Variants in NCAPH observed in about 807,000 individuals in gnomAD.
NCAPH encodes the protein condensin complex subunit 2.
NCAPH carries 38 observed loss-of-function variants against 85.5 expected under a neutral mutation model. The observed-to-expected ratio is 0.44, with a 90% confidence interval of 0.34 to 0.58. The LOEUF is 0.58. Among genes scored for constraint, NCAPH ranks in the 20% least tolerant of loss-of-function variants. NCAPH has a pLI of 0.01. For synonymous variants in NCAPH, 301 were observed against 335.1 expected, an observed-to-expected ratio of 0.90 and a Z score of 1.11; for missense variants, 789 against 916.6, an observed-to-expected ratio of 0.86 and a Z score of 1.80.
At chr2:96,345,987 GT>G (rs1350937387) in intron 6 of NCAPH, among the ~76,000 whole-genome samples, 1 of 152,142 alleles carries the variant, frequency 6.6e-6, no homozygotes, top group African/African-American at 2.4e-5. Context: ...AAGGCCAAGA[GT>G]TTTGATTTTG....
chr2:96,376,514 G>A lies in NCAPH; in HGVS notation c.*3163G>A, dbSNP rs141382384. ...ACCCTACAGTGTATGATCCCCCTGG[G>A]GAGCAAAAGGCTGCAGGTAACACTT... On this transcript the variant is annotated 3_prime_UTR_variant, in exon 18 of 18. Transcript: ENST00000240423. Among the ~76,000 whole-genome samples the A allele has an allele frequency of 3.0e-3, 457 of 152,336 alleles. 2 individuals are homozygous for A. The highest frequency in any genetic ancestry group is 4.8e-3 in the Non-Finnish European group (329 of 68,034).
Position 96,374,667 on chromosome 2 carries a change from T to A in NCAPH, c.*1316T>A, listed in dbSNP as rs1049320848. On this transcript the variant is annotated 3_prime_UTR_variant, in exon 18 of 18. Transcript: ENST00000240423. ...ATTGTGTCCAAAACATTACCTGCTC[T>A]GTTATATTGAGAAGGTTAGAGACTT... Among the ~76,000 whole-genome samples, 1 of 152,204 alleles carries A rather than the reference T, an allele frequency of 6.6e-6. No homozygotes were observed. Among genetic ancestry groups the A allele is most frequent in the Non-Finnish European group, 1.5e-5 (1 of 68,032 alleles).
chr2:96,358,308 C>T (rs576402267), intron 9 of NCAPH, among the ~76,000 whole-genome samples: 19 of 152,256 alleles, frequency 1.2e-4, no homozygotes, highest in African/African-American at 4.1e-4. Flanking sequence ...ATAGCGGTAT[C>T]TTTTGGAGCC....
rs770891599 is a variant in NCAPH, at chr2:96,343,213, C to T, written c.504C>T (p.Arg168=). Residue 168 remains arginine (R), a synonymous_variant, in exon 5 of 18, where the codon CGC becomes CGT. Transcript: ENST00000240423. ...LDASTKIYAV[R]VDAVHADVYR... ...CCAGCACCAAGATCTATGCTGTGCG[C>T]GTGGATGCCGTCCATGCCGATGTAT... 18 of 1,613,994 alleles carry T rather than the reference C, an allele frequency of 1.1e-5. No homozygotes were observed. The South Asian group carries it at 1.3e-4, about 12-fold the overall frequency.
chr2:96,344,620 A>G (rs896556211), intron 6 of NCAPH, among the ~76,000 whole-genome samples: 3 of 152,180 alleles, frequency 2.0e-5, no homozygotes, highest in African/African-American at 7.2e-5. Context: ...CATTTTAGGA[A>G]GAGGTAACTG....
chr2:96,371,288 G>T (rs1160084025), intron 17 of NCAPH, among the ~76,000 whole-genome samples: 1 of 151,994 alleles, frequency 6.6e-6, no homozygotes, highest in Non-Finnish European at 1.5e-5. Context: ...AGCACATCAG[G>T]CTCCTAGGCT....
At chr2:96,365,303 C>T (rs1382556826) in intron 13 of NCAPH, among the ~76,000 whole-genome samples, 1 of 152,078 alleles carries the variant, frequency 6.6e-6, no homozygotes, top group Admixed American at 6.6e-5. Context: ...TAGTGAAAAT[C>T]CAGACTGACC....
intron 8 of NCAPH, among the ~76,000 whole-genome samples, chr2:96,353,980 G>C (rs1558795864): frequency 6.6e-6 from 1 of 152,172 alleles, no homozygotes. Flanking sequence ...GCTTCCTCCT[G>C]TGCTGCACAA....
chr2:96,366,681 A>C (rs2064704011), intron 14 of NCAPH, among the ~76,000 whole-genome samples: 1 of 152,166 alleles, frequency 6.6e-6, no homozygotes, highest in South Asian at 2.1e-4. Context: ...GTTCGAGACC[A>C]GCCCGGCCAA....
Position 96,373,474 on chromosome 2 carries a change from C to G in NCAPH, c.*123C>G. The G allele has an allele frequency of 3.4e-6, 3 of 891,372 alleles. No homozygotes were observed. The highest frequency in any genetic ancestry group is 5.4e-6 in the Non-Finnish European group (3 of 556,510). The allele number at this position is 891,372 out of a possible 1,614,324, so 55.2% of individuals were successfully genotyped here. On this transcript the variant is annotated 3_prime_UTR_variant, in exon 18 of 18. Coordinates refer to ENST00000240423, the MANE Select transcript of NCAPH (RefSeq NM_015341.5). ...CAGGCTGTAGCCAACTACCAACGTG[C>G]CTGTTTGTTTGTTGCTCTTTCCTTC...
rs1304962843 is a variant in NCAPH, at chr2:96,376,071, G to A, written c.*2720G>A. 6.6e-6 allele frequency among the ~76,000 whole-genome samples: 1 copy of A among 152,160 alleles called. No individual in the cohort carries two copies. The highest frequency in any genetic ancestry group is 6.5e-5 in the Admixed American group (1 of 15,276). ...GGTAACAGAAAACAAACTAATACAA[G>A]TGGTAATGTGTCCAGCTAAAAATTT... On this transcript the variant is annotated 3_prime_UTR_variant, in exon 18 of 18. Coordinates refer to ENST00000240423, the MANE Select transcript of NCAPH (RefSeq NM_015341.5).
At chr2:96,340,421 A>C (rs1573062147) in intron 1 of NCAPH, among the ~76,000 whole-genome samples, 2 of 106,232 alleles carry the variant, frequency 1.9e-5, no homozygotes, top group Non-Finnish European at 3.6e-5. Flanking sequence ...ACGGAGTTTC[A>C]CTCTTGTTGC....
At chr2:96,369,715 C>T (rs1235936080) in intron 17 of NCAPH, among the ~76,000 whole-genome samples, 3 of 152,084 alleles carry the variant, frequency 2.0e-5, no homozygotes, top group African/African-American at 7.2e-5. Flanking sequence ...ACAGAGGACC[C>T]AAATAGTAAG....
rs144075909 is a variant in NCAPH at position 96,358,436 on chromosome 2, G to A, written c.1209-609G>A. 6.2e-4 allele frequency among the ~76,000 whole-genome samples: 94 copies of A among 152,254 alleles called. 1 individual carries two copies. Among genetic ancestry groups the A allele is most frequent in the African/African-American group, 2.2e-3 (92 of 41,560 alleles). On this transcript the variant is annotated intron_variant, in intron 9 of 17. Transcript: ENST00000240423. ...GGACTTGTGTCCAGCTCCCAGCTCC[G>A]GCATTTTACTAGCTGTAGATTCTTA...
At chr2:96,340,932 A>G (rs1288641391) in intron 1 of NCAPH, among the ~76,000 whole-genome samples, 2 of 152,158 alleles carry the variant, frequency 1.3e-5, no homozygotes, top group Admixed American at 6.5e-5. Flanking sequence ...CAGAAGTTAA[A>G]GATCTAAAGT....
At chr2:96,338,312 C>T (rs2064243903) in intron 1 of NCAPH, among the ~76,000 whole-genome samples, 1 of 151,186 alleles carries the variant, frequency 6.6e-6, no homozygotes, top group Non-Finnish European at 1.5e-5. Context: ...CTGCTCCCTG[C>T]CTGCATCTGT....
intron 12 of NCAPH, among the ~76,000 whole-genome samples, chr2:96,362,024 G>A (rs763436489): frequency 2.0e-5 from 3 of 151,340 alleles, no homozygotes; most frequent in Non-Finnish European, 2.9e-5. Flanking sequence ...GATTACAGGC[G>A]TGAGCCGTTA....
chr2:96,364,294 C>T (rs1284487292), intron 12 of NCAPH, among the ~76,000 whole-genome samples, 187 bp from the exon 13 acceptor site: 2 of 152,210 alleles, frequency 1.3e-5, no homozygotes. Context: ...ATGCTGAGCC[C>T]TGCTACTCCA....
chr2:96,347,764 G>A (rs938922121), intron 6 of NCAPH, among the ~76,000 whole-genome samples: 1 of 152,228 alleles, frequency 6.6e-6, no homozygotes, highest in African/African-American at 2.4e-5. Context: ...ATGAATGCCA[G>A]TGTTCTTACA....
Sources: allele counts gnomAD v4.1 joint callset (sites outside exome capture counted in the v4.1 genomes callset), GRCh38; gene constraint gnomAD v4.1.1; transcripts MANE v1.5; gene names NCBI Gene and HGNC (gene_info 2026-07-23, HGNC 2026-07-21).